The following PDE3A variants were observed in gnomAD, a reference collection of about 807,000 sequenced individuals.
The protein encoded by PDE3A is phosphodiesterase 3A.
Under a neutral mutation model 98.3 loss-of-function variants are expected in PDE3A, and 43 were observed. That is an observed-to-expected ratio of 0.44 (90% CI 0.34 to 0.56). The LOEUF is 0.56. Ranked by LOEUF, PDE3A falls within the 20% of genes least tolerant of loss-of-function variation. The pLI is 0.01. For missense variants in PDE3A, 1,427 were observed against 1,440.7 expected, an observed-to-expected ratio of 0.99 and a Z score of 0.15; for synonymous variants, 663 against 567.9, an observed-to-expected ratio of 1.17 and a Z score of -2.38.
intron 15 of PDE3A, among the ~76,000 whole-genome samples, chr12:20,677,116 A>T (rs1945660273): frequency 6.6e-6 from 1 of 152,170 alleles, no homozygotes; most frequent in Admixed American, 6.5e-5. Context: ...AACTTGATAT[A>T]GTCTATTGTT....
intron 15 of PDE3A, among the ~76,000 whole-genome samples, chr12:20,663,650 T>C (rs988675381): frequency 6.6e-6 from 1 of 152,202 alleles, no homozygotes; most frequent in African/African-American, 2.4e-5. Flanking sequence ...TTTCTCCCAT[T>C]TGGAATGATT....
chr12:20,574,965 C>G (rs1942895507), intron 2 of PDE3A, among the ~76,000 whole-genome samples: 1 of 151,964 alleles, frequency 6.6e-6, no homozygotes, highest in Non-Finnish European at 1.5e-5. Context: ...GCATCGAAAC[C>G]AAGCCCCCAA....
chr12:20,653,736 G>C (rs747796976), intron 14 of PDE3A, among the ~76,000 whole-genome samples: 5 of 152,106 alleles, frequency 3.3e-5, no homozygotes, highest in African/African-American at 1.2e-4. Context: ...TTAGAATTTA[G>C]ACTTTCTGTA....
At chr12:20,590,957 G>A (rs184558860) in intron 2 of PDE3A, among the ~76,000 whole-genome samples, 6 of 152,232 alleles carry the variant, frequency 3.9e-5, no homozygotes, top group Admixed American at 2.0e-4. Context: ...TGTCCACTTC[G>A]AAAGTGCAGA....
intron 1 of PDE3A, among the ~76,000 whole-genome samples, chr12:20,500,800 C>T (rs1946010655): frequency 1.4e-5 from 2 of 142,180 alleles, no homozygotes; most frequent in Non-Finnish European, 3.0e-5. Context: ...CAAGGTCTTG[C>T]TCTGTTGCCC....
At chr12:20,490,915 G>C (rs1476538071) in intron 1 of PDE3A, among the ~76,000 whole-genome samples, 1 of 151,912 alleles carries the variant, frequency 6.6e-6, no homozygotes, top group East Asian at 1.9e-4. Flanking sequence ...GACCAGTCTG[G>C]GCAACATAGT....
Position 20,648,927 on chromosome 12 carries a change from C to CT in PDE3A, c.2769+52dup, listed in dbSNP as rs71039963. The CT allele has an allele frequency of 0.25, 222,511 of 887,550 alleles. 17,292 individuals are homozygous for CT. Among genetic ancestry groups the CT allele is most frequent in the East Asian group, 0.35 (12,126 of 34,628 alleles). The allele number at this position is 887,550 out of a possible 1,614,324, so 55.0% of individuals were successfully genotyped here. On this transcript the variant is annotated intron_variant, in intron 13 of 15. Coordinates refer to ENST00000359062, the MANE Select transcript of PDE3A (RefSeq NM_000921.5). ...CTGTACCCAGTTTTCTTTTCTTTTT[C>CT]TTTTTTTTTTTTTTTTGAGACAGAG... is the stretch of plus-strand genomic sequence containing the variant.
At chr12:20,594,537 T>C (rs1943419191) in intron 2 of PDE3A, among the ~76,000 whole-genome samples, 1 of 151,948 alleles carries the variant, frequency 6.6e-6, no homozygotes, top group Admixed American at 6.6e-5. Flanking sequence ...AGGGGCTTTT[T>C]TTTTTTTTGC....
rs12317949 is a variant in PDE3A, at chr12:20,613,155, T to C, written c.1012-288T>C. Reference sequence around the variant, plus strand: ...TGATATGAAGTTTTTCTTCCCCAGATCTCTGAAACTTTTTGCCTTTTAAAA... The same window carrying C: ...TGATATGAAGTTTTTCTTCCCCAGACCTCTGAAACTTTTTGCCTTTTAAAA... On this transcript the variant is annotated intron_variant, in intron 2 of 15. Coordinates refer to ENST00000359062, the MANE Select transcript of PDE3A (RefSeq NM_000921.5). Among the ~76,000 whole-genome samples the C allele has an allele frequency of 4.9e-3, 752 of 152,258 alleles. 9 individuals are homozygous for C. The highest frequency in any genetic ancestry group is 0.017 in the African/African-American group (716 of 41,542).
chr12:20,415,353 T>C (rs1360910061), intron 1 of PDE3A, among the ~76,000 whole-genome samples: 1 of 152,050 alleles, frequency 6.6e-6, no homozygotes, highest in Non-Finnish European at 1.5e-5. Flanking sequence ...TGTTTTGTGA[T>C]AAAGTATTCA....
At chr12:20,652,856 A>C (rs937863582) in intron 14 of PDE3A, among the ~76,000 whole-genome samples, 5 of 152,254 alleles carry the variant, frequency 3.3e-5, no homozygotes, top group Non-Finnish European at 5.9e-5. Flanking sequence ...GAGCTTCTGC[A>C]CAGCAAAAGA....
intron 9 of PDE3A, 79 bp downstream of exon 9, chr12:20,637,316 G>C: frequency 9.6e-7 from 1 of 1,042,866 alleles, no homozygotes. Flanking sequence ...GTAAATTCTT[G>C]ACACTTGTGG....
intron 1 of PDE3A, among the ~76,000 whole-genome samples, chr12:20,519,980 G>A (rs1468547742): frequency 6.6e-6 from 1 of 152,156 alleles, no homozygotes; most frequent in African/African-American, 2.4e-5. Flanking sequence ...TCATTTCAAT[G>A]ATGATGCAGC....
chr12:20,502,277 C>T (rs1165496037), intron 1 of PDE3A, among the ~76,000 whole-genome samples: 1 of 152,000 alleles, frequency 6.6e-6, no homozygotes, highest in Non-Finnish European at 1.5e-5. Context: ...TTTTTATTAT[C>T]TAAAATGTAT....
chr12:20,597,364 G>A (rs564845877), intron 2 of PDE3A, among the ~76,000 whole-genome samples: 6 of 152,260 alleles, frequency 3.9e-5, no homozygotes, highest in African/African-American at 1.4e-4. Flanking sequence ...ATAAGACTTA[G>A]GTGTTGGATC....
chr12:20,564,764 A>G (rs1284863166), intron 2 of PDE3A, among the ~76,000 whole-genome samples: 1 of 152,104 alleles, frequency 6.6e-6, no homozygotes, highest in Non-Finnish European at 1.5e-5. Flanking sequence ...TTATGCTTTT[A>G]TTGTTTTCCC....
At chr12:20,550,060 C>A (rs1942158039) in intron 1 of PDE3A, among the ~76,000 whole-genome samples, 1 of 152,264 alleles carries the variant, frequency 6.6e-6, no homozygotes. Flanking sequence ...GAATTACATG[C>A]TTTCCTCATT....
intron 15 of PDE3A, among the ~76,000 whole-genome samples, chr12:20,669,860 A>C (rs1945424099): frequency 6.6e-6 from 1 of 151,952 alleles, no homozygotes; most frequent in African/African-American, 2.4e-5. Context: ...TATTAACTTT[A>C]AATGTAAATG....
chr12:20,412,191 T>C (rs1242347748), intron 1 of PDE3A, among the ~76,000 whole-genome samples: 1 of 152,208 alleles, frequency 6.6e-6, no homozygotes, highest in Non-Finnish European at 1.5e-5. Flanking sequence ...TGAAAATTTA[T>C]ACATTAGCAA....
Sources: allele counts gnomAD v4.1 joint callset (sites outside exome capture counted in the v4.1 genomes callset), GRCh38; gene constraint gnomAD v4.1.1; transcripts MANE v1.5; gene names NCBI Gene and HGNC (gene_info 2026-07-23, HGNC 2026-07-21).